The following SLC6A4 variants were observed in gnomAD, a reference collection of about 807,000 sequenced individuals.
SLC6A4 encodes the protein solute carrier family 6 member 4.
Under a neutral mutation model 73.4 loss-of-function variants are expected in SLC6A4, and 22 were observed. The observed-to-expected ratio is 0.30, with a 90% confidence interval of 0.21 to 0.43. SLC6A4 has a LOEUF of 0.43. Ranked by LOEUF, SLC6A4 falls within the 20% of genes least tolerant of loss-of-function variation. The probability of loss-of-function intolerance (pLI) is 1.00; values close to 1 mark genes in which losing one functional copy is unlikely to be tolerated. For missense variants in SLC6A4, 593 were observed against 808.5 expected (o/e 0.73, Z 3.23); for synonymous variants, 270 against 315.5 (o/e 0.86, Z 1.53).
In SLC6A4 at chr17:30,212,804, G is replaced by A; in HGVS notation, c.1140C>T (p.Phe380=). The A allele has an allele frequency of 6.2e-7, 1 of 1,614,134 alleles. No homozygotes were observed. The highest frequency in any genetic ancestry group is 8.5e-7 in the Non-Finnish European group (1 of 1,180,004). The stretch of plus-strand genomic sequence containing the variant: ...TCTCAGCCATGTAACCGAGCACTGT[G>A]AAGATGACAAATCCCGAAACGAAGC... ...MTSFVSGFVI[F]TVLGYMAEMR... Residue 380 remains phenylalanine, a synonymous_variant, in exon 9 of 15, where the codon TTC becomes TTT. Coordinates refer to ENST00000650711, the MANE Select transcript of SLC6A4 (RefSeq NM_001045.6).
chr17:30,232,603 C>G (rs1907146149), intron 1 of SLC6A4, among the ~76,000 whole-genome samples: 1 of 152,198 alleles, frequency 6.6e-6, no homozygotes, highest in African/African-American at 2.4e-5. Flanking sequence ...GGGATGGAAG[C>G]TGGGGAGCTG....
intron 9 of SLC6A4, 106 bp downstream of exon 9, chr17:30,212,634 A>T: frequency 7.3e-7 from 1 of 1,378,418 alleles, no homozygotes; most frequent in Non-Finnish European, 1.0e-6. Context: ...TTCTTTGGAA[A>T]ATTTCAGGAA....
chr17:30,231,332 C>CTA (rs1028206224), intron 1 of SLC6A4, among the ~76,000 whole-genome samples: 16 of 150,450 alleles, frequency 1.1e-4, no homozygotes, highest in Admixed American at 4.0e-4. Flanking sequence ...TATATACACA[C>CTA]TATATATATC....
chr17:30,230,045 A>AAAGAAG (rs1189804200), intron 1 of SLC6A4, among the ~76,000 whole-genome samples: 10,830 of 111,022 alleles, frequency 0.098, 758 homozygotes, highest in Admixed American at 0.17. Flanking sequence ...GAAAAAGAAG[A>AAAGAAG]AAGAAGAAGA....
intron 3 of SLC6A4, among the ~76,000 whole-genome samples, chr17:30,221,066 T>C (rs1423566807): frequency 7.2e-6 from 1 of 138,466 alleles, no homozygotes; most frequent in Non-Finnish European, 1.5e-5. Flanking sequence ...AACCTCCACC[T>C]CCCAGGTTCA....
chr17:30,212,722 T>C lies in SLC6A4; in HGVS notation c.1204+18A>G, dbSNP rs921966017. On this transcript the variant is annotated intron_variant, in intron 9 of 14. Transcript: ENST00000650711. ...ACTCAGTAGGAGCAAGGGACCTGCATAGAACCCGAGGTCCTACCTGCGTCT... is the reference window on the plus strand; with the variant it reads ...ACTCAGTAGGAGCAAGGGACCTGCACAGAACCCGAGGTCCTACCTGCGTCT... The C allele has an allele frequency of 1.9e-6, 3 of 1,613,396 alleles. No homozygotes were observed. Among genetic ancestry groups the C allele is most frequent in the Admixed American group, 3.3e-5 (2 of 60,006 alleles).
At chr17:30,217,535 G>A (rs1242724983) in intron 5 of SLC6A4, among the ~76,000 whole-genome samples, 4 of 152,164 alleles carry the variant, frequency 2.6e-5, no homozygotes, top group Non-Finnish European at 4.4e-5. Context: ...CAGACTTCCT[G>A]GATTCTCCTT....
Position 30,235,569 on chromosome 17 carries a change from G to A in SLC6A4, c.-221+44C>T, listed in dbSNP as rs1281464773. 1 of 152,342 alleles carries A rather than the reference G, an allele frequency of 6.6e-6. No individual in the cohort carries two copies. The highest frequency in any genetic ancestry group is 2.4e-5 in the African/African-American group (1 of 41,462). The allele number at this position is 152,342 out of a possible 1,614,324, so 9.4% of individuals were successfully genotyped here. A position where few individuals can be genotyped will look rare whatever the true frequency, so the allele number is the denominator to read the frequency against. On this transcript the variant is annotated intron_variant, in intron 1 of 14. Transcript: ENST00000650711. This position sits in a 1 kb window ranked among gnomAD's most constrained non-coding sequence, Gnocchi z 4.5. ...CTCCCCGAGGCGGGGAAGAAGGTCT[G>A]GAAAGAAACGTGGGTTCGAGGCGGA...
intron 14 of SLC6A4, among the ~76,000 whole-genome samples, chr17:30,201,591 C>T (rs1906038110): frequency 6.6e-6 from 1 of 152,194 alleles, no homozygotes; most frequent in African/African-American, 2.4e-5. Context: ...CATGGATCAT[C>T]ACAACTGCCA....
At chr17:30,232,964 C>A (rs1272525198) in intron 1 of SLC6A4, among the ~76,000 whole-genome samples, 1 of 152,176 alleles carries the variant, frequency 6.6e-6, no homozygotes, top group Admixed American at 6.5e-5. Flanking sequence ...GAGCAATTTG[C>A]CTTTCTGCTC....
chr17:30,202,686 A>G (rs1906075263), intron 14 of SLC6A4, among the ~76,000 whole-genome samples: 1 of 152,176 alleles, frequency 6.6e-6, no homozygotes, highest in African/African-American at 2.4e-5. Context: ...CTATTGTTAG[A>G]TAGCTAATAA....
At chr17:30,217,065 G>T in intron 6 of SLC6A4, 101 bp downstream of exon 6, 1 of 1,018,382 alleles carries the variant, frequency 9.8e-7, no homozygotes, top group Non-Finnish European at 1.5e-6. Flanking sequence ...TGTGTTTGGT[G>T]TGGAAGGAAA....
chr17:30,211,624 G>A lies in SLC6A4; in HGVS notation c.1205-200C>T, dbSNP rs183867482. Among the ~76,000 whole-genome samples, 735 of 152,320 alleles carry A rather than the reference G, an allele frequency of 4.8e-3. 6 individuals carry two copies. Among genetic ancestry groups the A allele is most frequent in the Non-Finnish European group, 8.3e-3 (567 of 68,018 alleles). ...CACCCCAGTTCCTGGGAGGCAGGAA[G>A]GGTGGGGCTTCCATCTTGAAAACTG... On this transcript the variant is annotated intron_variant, in intron 9 of 14. Coordinates refer to ENST00000650711, the MANE Select transcript of SLC6A4 (RefSeq NM_001045.6). This position sits in a 1 kb window ranked among gnomAD's most constrained non-coding sequence, Gnocchi z 4.0.
intron 14 of SLC6A4, among the ~76,000 whole-genome samples, chr17:30,202,847 G>A (rs1180064208): frequency 1.3e-5 from 2 of 152,142 alleles, no homozygotes; most frequent in African/African-American, 4.8e-5. Context: ...AGACATCACA[G>A]GTCTGATATC....
In SLC6A4 at chr17:30,194,675, TA is replaced by T. The variant is rs1905798538; in HGVS notation, c.*3780del. On this transcript the variant is annotated 3_prime_UTR_variant, in exon 15 of 15. Coordinates refer to ENST00000650711, the MANE Select transcript of SLC6A4 (RefSeq NM_001045.6). ...AAGAATAATCTTTCAAAATGCCATT[TA>T]AAAAATTAGTAAATGCTCATATTTG... 1 of 152,326 alleles carries T rather than the reference TA, an allele frequency of 6.6e-6. No homozygotes were observed. Among genetic ancestry groups the T allele is most frequent in the Non-Finnish European group, 1.5e-5 (1 of 68,020 alleles). The allele number at this position is 152,326 out of a possible 1,614,324, so 9.4% of individuals were successfully genotyped here.
intron 7 of SLC6A4, 125 bp from the exon 8 acceptor site, chr17:30,215,839 C>G (rs1368865322): frequency 1.2e-6 from 1 of 849,454 alleles, no homozygotes; most frequent in Admixed American, 2.3e-5. Context: ...GCTTTTAAGG[C>G]TCATTCCAGG....
At chr17:30,228,434 G>A (rs1257251792) in intron 1 of SLC6A4, among the ~76,000 whole-genome samples, 1 of 152,114 alleles carries the variant, frequency 6.6e-6, no homozygotes, top group East Asian at 1.9e-4. Flanking sequence ...ACCCTAGCAG[G>A]GAAACTGAGG....
chr17:30,198,517 CT>C lies in SLC6A4; in HGVS notation c.1831del (p.Ser611ValfsTer17). On this transcript the variant is annotated frameshift_variant, in exon 15 of 15. Coordinates refer to ENST00000650711, the MANE Select transcript of SLC6A4 (RefSeq NM_001045.6). LOFTEE classifies it high-confidence loss of function. The part of the protein sequence containing the change: ...PGTFKERIIK[S>X]ITPETPTEIP... ...TTCTGTTGGTGTTTCTGGGGTAATA[CT>C]TTTAATAATACGCTATTGGGAAGAA... 6.3e-7 allele frequency: 1 copy of C among 1,590,408 alleles called. No individual in the cohort carries two copies. The highest frequency in any genetic ancestry group is 8.6e-7 in the Non-Finnish European group (1 of 1,158,844).
chr17:30,209,475 C>T (rs971108972), intron 11 of SLC6A4, among the ~76,000 whole-genome samples: 1 of 152,032 alleles, frequency 6.6e-6, no homozygotes, highest in African/African-American at 2.4e-5. Flanking sequence ...AGTTTGAGAC[C>T]AGCCTGGCCA....
Sources: gnomAD v4.1 joint callset for allele counts (sites outside exome capture counted in the v4.1 genomes callset) on GRCh38, gnomAD v4.1.1 for gene constraint, Gnocchi (gnomAD v3.1) non-coding constraint, MANE v1.5 for transcripts, NCBI Gene and HGNC (gene_info 2026-07-23, HGNC 2026-07-21) for gene names.